CACNA1G: variants seen among roughly 807,000 people sequenced by gnomAD.
CACNA1G encodes calcium voltage-gated channel subunit alpha1 G.
CACNA1G carries 67 observed loss-of-function variants against 219.4 expected under a neutral mutation model. The observed-to-expected ratio is 0.31, with a 90% CI of 0.25 to 0.37. The LOEUF is 0.37. Ranked by LOEUF, CACNA1G falls within the 10% of genes least tolerant of loss-of-function variation. The pLI is 1.00. For missense variants in CACNA1G, 2,380 were observed against 3,231.4 expected, an observed-to-expected ratio of 0.74 and a Z score of 6.39; for synonymous variants, 1,296 against 1,345.3, an observed-to-expected ratio of 0.96 and a Z score of 0.80.
intron 35 of CACNA1G, among the ~76,000 whole-genome samples, chr17:50,622,268 A>C (rs966250372): frequency 1.3e-5 from 2 of 148,616 alleles, no homozygotes; most frequent in African/African-American, 5.0e-5. Flanking sequence ...GCCCTTCTTC[A>C]CTTGGAGCGC....
At position 50,561,223 on chromosome 17, in the gene CACNA1G, G is replaced by A. The variant is rs1028020379; in HGVS notation, c.-237G>A. 2.0e-5 allele frequency: 11 copies of A among 555,852 alleles called. No individual in the cohort carries two copies. Among genetic ancestry groups the A allele is most frequent in the South Asian group, 1.4e-4 (7 of 48,856 alleles). 34.4% of individuals were successfully genotyped at this position (555,852 alleles called of 1,614,324 possible). On this transcript the variant is annotated 5_prime_UTR_variant, in exon 1 of 38. Coordinates refer to ENST00000359106, the MANE Select transcript of CACNA1G (RefSeq NM_018896.5). ...GGCTGGCCCGGGAAGCCCCAGGGGC[G>A]CAGGGGAAGCGGGACTCGCGCCGGG...
intron 1 of CACNA1G, chr17:50,563,873 A>T (rs1329482581): frequency 6.6e-6 from 1 of 152,016 alleles, no homozygotes; most frequent in Admixed American, 6.5e-5. Flanking sequence ...ACCAAGAGAC[A>T]CCTGTATTTT....
intron 35 of CACNA1G, among the ~76,000 whole-genome samples, chr17:50,623,653 G>A (rs555574415): frequency 6.6e-6 from 1 of 151,974 alleles, no homozygotes; most frequent in Non-Finnish European, 1.5e-5. Context: ...TGCAGGGGGT[G>A]GGGGGCAGGG....
chr17:50,623,290 T>A (rs2052668536), intron 35 of CACNA1G, among the ~76,000 whole-genome samples: 1 of 141,114 alleles, frequency 7.1e-6, no homozygotes, highest in Non-Finnish European at 1.5e-5. Context: ...TTTTTTTTTT[T>A]TTTTAGAAAT....
chr17:50,592,586 T>C (rs1427968415), intron 13 of CACNA1G, among the ~76,000 whole-genome samples: 1 of 152,230 alleles, frequency 6.6e-6, no homozygotes, highest in African/African-American at 2.4e-5. Flanking sequence ...GCTACGGGCA[T>C]GGCAGAGATG....
intron 9 of CACNA1G, among the ~76,000 whole-genome samples, chr17:50,585,307 G>A (rs1175575877): frequency 6.6e-6 from 1 of 152,154 alleles, no homozygotes; most frequent in Non-Finnish European, 1.5e-5. Flanking sequence ...CACCATGCCT[G>A]GCTATAGCTC....
At chr17:50,595,359 C>T (rs1253361332) in intron 14 of CACNA1G, among the ~76,000 whole-genome samples, 12 of 152,216 alleles carry the variant, frequency 7.9e-5, no homozygotes, top group South Asian at 2.1e-4. Context: ...TCTGTGTGCA[C>T]GTGTGTGGGG....
rs780518580 is a variant in CACNA1G at position 50,619,768 on chromosome 17, C to CA, written c.5868dup (p.Gly1957ArgfsTer24). 6.2e-7 allele frequency: 1 copy of CA among 1,607,886 alleles called. No homozygotes were observed. The highest frequency in any genetic ancestry group is 1.3e-5 in the African/African-American group (1 of 74,850). On this transcript the variant is annotated frameshift_variant, in exon 34 of 38. Transcript: ENST00000359106. LOFTEE classifies it high-confidence loss of function. ...AAGCTGATGGACGAGCTGGCAGGCC[C>CA]AGGGGGCCAGCCCTCTGCCTTCCCT...
In CACNA1G at chr17:50,618,611, C is replaced by A. The variant is rs1470708666; in HGVS notation, c.5428-44C>A. The A allele has an allele frequency of 2.1e-6, 3 of 1,454,322 alleles. No homozygotes were observed. Among genetic ancestry groups the A allele is most frequent in the East Asian group, 4.6e-5 (2 of 43,506 alleles). The allele number at this position is 1,454,322 out of a possible 1,614,324, so 90.1% of individuals were successfully genotyped here. ...ACCTGATTTTCCACAACAGCTCCAA[C>A]AACTGTCCTCCCCAGCCTCACCCCT... On this transcript the variant is annotated intron_variant, in intron 32 of 37. Transcript: ENST00000359106. The surrounding 1 kb of genome is among the most constrained non-coding windows in gnomAD (Gnocchi z 5.3).
intron 9 of CACNA1G, 125 bp from the exon 10 acceptor site, chr17:50,590,346 C>A (rs1598357484): frequency 1.8e-6 from 2 of 1,083,670 alleles, no homozygotes; most frequent in Non-Finnish European, 2.7e-6. Context: ...GCCTGAGCAT[C>A]CAGCAACCCC....
rs537381719 is a variant in CACNA1G, at chr17:50,617,985, G to A, written c.5226+56G>A. The A allele has an allele frequency of 2.7e-4, 438 of 1,612,578 alleles. 3 individuals are homozygous for A. The Admixed American group carries it at 7.1e-3, about 26-fold the overall frequency. On this transcript the variant is annotated intron_variant, in intron 30 of 37. Transcript: ENST00000359106. The surrounding 1 kb of genome is among the most constrained non-coding windows in gnomAD (Gnocchi z 5.8). The stretch of plus-strand genomic sequence containing the variant: ...GGGGAGGTGCTTTCCAGAGGGAAGG[G>A]GCTCAGAGAAGCTGACTGGGAGACC...
At chr17:50,616,519 A>T in intron 28 of CACNA1G, 135 bp downstream of exon 28, 1 of 564,134 alleles carries the variant, frequency 1.8e-6, no homozygotes, top group Admixed American at 3.1e-5. Context: ...CCTGTGGCTG[A>T]CGTAGGGGAC....
At chr17:50,576,778 GGGGCCCGCACTC>G (rs989893182) in intron 8 of CACNA1G, among the ~76,000 whole-genome samples, 1 of 152,176 alleles carries the variant, frequency 6.6e-6, no homozygotes, top group Non-Finnish European at 1.5e-5. Context: ...GGGCGGACTC[GGGGCCCGCACTC>G]GGGACTCCTT....
chr17:50,576,383 C>T, intron 8 of CACNA1G, 57 bp downstream of exon 8: 11 of 1,502,552 alleles, frequency 7.3e-6, no homozygotes, highest in Non-Finnish European at 1.0e-5. Context: ...GGGTGGCGTC[C>T]CAGAGGGGAC....
intron 9 of CACNA1G, among the ~76,000 whole-genome samples, chr17:50,588,774 C>T (rs1482798780): frequency 6.6e-6 from 1 of 152,214 alleles, no homozygotes; most frequent in Non-Finnish European, 1.5e-5. Context: ...GACTCTGCCC[C>T]CAGGCCTGCC....
rs755687596 is a variant in CACNA1G, at chr17:50,609,939, C to T, written c.4759+4C>T. ...AGCTCAGCCAGCGCTGCGTCAGGTACTGCGTCTGGGGTGTGGGCTCATGCG... is the reference window on the plus strand; with the variant it reads ...AGCTCAGCCAGCGCTGCGTCAGGTATTGCGTCTGGGGTGTGGGCTCATGCG... On this transcript the variant is annotated splice_donor_region_variant and intron_variant, in intron 26 of 37. Coordinates refer to ENST00000359106, the MANE Select transcript of CACNA1G (RefSeq NM_018896.5). The T allele has an allele frequency of 1.9e-6, 3 of 1,609,716 alleles. No homozygotes were observed. In the South Asian group the frequency reaches 3.3e-5, roughly 18 times the overall value.
rs182082745 is a variant in CACNA1G at position 50,595,094 on chromosome 17, C to T, written c.2979+33C>T. On this transcript the variant is annotated intron_variant, in intron 14 of 37. Transcript: ENST00000359106. Reference sequence around the variant, plus strand: ...CGCGATCATGAGCCGGCATGCCTCCCGTGCCCCATGCCCGTGCCCCTCCAC... The same window carrying T: ...CGCGATCATGAGCCGGCATGCCTCCTGTGCCCCATGCCCGTGCCCCTCCAC... 2.3e-5 allele frequency: 35 copies of T among 1,523,934 alleles called. No homozygotes were observed. In the East Asian group the frequency reaches 2.7e-4, roughly 12 times the overall value. 94.4% of individuals were successfully genotyped at this position (1,523,934 alleles called of 1,614,324 possible).
intron 26 of CACNA1G, among the ~76,000 whole-genome samples, chr17:50,611,742 A>T (rs2049258005): frequency 6.6e-6 from 1 of 152,124 alleles, no homozygotes; most frequent in South Asian, 2.1e-4. Context: ...ACCCCAAAAC[A>T]TCCTAGCACA....
chr17:50,593,046 C>T (rs1004273613), intron 13 of CACNA1G, among the ~76,000 whole-genome samples: 2 of 152,188 alleles, frequency 1.3e-5, no homozygotes, highest in African/African-American at 4.8e-5. Flanking sequence ...TCCCCGCTAC[C>T]CTTTTCAGTC....
Sources: gnomAD v4.1 joint callset for allele counts (sites outside exome capture counted in the v4.1 genomes callset) on GRCh38, gnomAD v4.1.1 for gene constraint, Gnocchi (gnomAD v3.1) non-coding constraint, MANE v1.5 for transcripts, NCBI Gene and HGNC (gene_info 2026-07-23, HGNC 2026-07-21) for gene names.